Variants in SUPV3L1 observed in about 807,000 individuals in gnomAD.
The protein encoded by SUPV3L1 is Suv3 like RNA helicase, also known as ATP-dependent RNA helicase SUPV3L1, mitochondrial.
A neutral mutation model predicts 70.0 loss-of-function variants in SUPV3L1; 35 were observed. That is an observed-to-expected ratio of 0.50 (90% CI 0.38 to 0.66). The LOEUF is 0.66. SUPV3L1 is among the 30% of genes least tolerant of loss of function. The pLI, the probability that SUPV3L1 is intolerant of heterozygous loss-of-function variation, is 0.00. For missense variants in SUPV3L1, 777 were observed against 961.5 expected (o/e 0.81, Z 2.54); for synonymous variants, 364 against 341.9 (o/e 1.06, Z -0.71).
chr10:69,180,556 G>A lies in SUPV3L1; in HGVS notation c.265G>A (p.Asp89Asn). 6.2e-7 allele frequency: 1 copy of A among 1,613,824 alleles called. No individual in the cohort carries two copies. Among genetic ancestry groups the A allele is most frequent in the Non-Finnish European group, 8.5e-7 (1 of 1,179,976 alleles). ...CGGGGCCGAGCTAACCCGGCCTCTGGACAAGAGTGAGTGCGGGAACTACTG... is the reference window on the plus strand; with the variant it reads ...CGGGGCCGAGCTAACCCGGCCTCTGAACAAGAGTGAGTGCGGGAACTACTG... ...DVGAELTRPL[D>N]KNEVKKVLDK... The change falls in exon 1 of 15, where the codon GAC (aspartate) becomes AAC (asparagine). Residue 89 changes from aspartate (D) to asparagine (N), a missense_variant. Physicochemically the swap from Asp to Asn is conservative, Grantham distance 23 (BLOSUM62 1). Transcript: ENST00000359655.
intron 13 of SUPV3L1, among the ~76,000 whole-genome samples, chr10:69,204,718 C>T (rs1012488540): frequency 2.6e-5 from 4 of 151,876 alleles, no homozygotes; most frequent in Non-Finnish European, 1.5e-5. Context: ...TGCCTATGTG[C>T]ATGTTCATGT....
chr10:69,187,176 C>A (rs147104701), intron 3 of SUPV3L1, among the ~76,000 whole-genome samples: 1 of 152,072 alleles, frequency 6.6e-6, no homozygotes, highest in African/African-American at 2.4e-5. Flanking sequence ...TAACTTTTGC[C>A]AATGCTAATC....
intron 1 of SUPV3L1, chr10:69,182,482 A>G: frequency 1.0e-6 from 1 of 979,020 alleles, no homozygotes; most frequent in African/African-American, 1.7e-5. Context: ...AATTTGCCTT[A>G]TTGTATTCAA....
Position 69,209,077 on chromosome 10 carries a change from T to G in SUPV3L1, c.*42T>G. On this transcript the variant is annotated 3_prime_UTR_variant, in exon 15 of 15. Coordinates refer to ENST00000359655, the MANE Select transcript of SUPV3L1 (RefSeq NM_003171.5). Reference sequence around the variant, plus strand: ...TTTTTTTTTTATTTAATTTTGCAAATAAAAATTTATTTTGAATCCTTTTTC... The same window carrying G: ...TTTTTTTTTTATTTAATTTTGCAAAGAAAAATTTATTTTGAATCCTTTTTC... 3 of 1,484,386 alleles carry G rather than the reference T, an allele frequency of 2.0e-6. No homozygotes were observed. Among genetic ancestry groups the G allele is most frequent in the Non-Finnish European group, 2.7e-6 (3 of 1,117,824 alleles). 92.0% of individuals were successfully genotyped at this position (1,484,386 alleles called of 1,614,324 possible). A position where few individuals can be genotyped will look rare whatever the true frequency, so the allele number is the denominator to read the frequency against.
In SUPV3L1 at chr10:69,195,246, C is replaced by A; in HGVS notation, c.912C>A (p.Ala304=). The A allele has an allele frequency of 6.2e-7, 1 of 1,612,296 alleles. No individual in the cohort carries two copies. The change falls in exon 7 of 15, where the codon GCC becomes GCA. Residue 304 remains alanine (A), a synonymous_variant. Transcript: ENST00000359655. ...QMIRDPARGW[A]WTRALLGLCA... is the part of the protein sequence containing the mutation. ...TTAGAGATCCAGCCAGAGGATGGGCCTGGACCAGAGCACTTCTAGGTTGGT... is the reference window on the plus strand; with the variant it reads ...TTAGAGATCCAGCCAGAGGATGGGCATGGACCAGAGCACTTCTAGGTTGGT...
chr10:69,186,420 C>T (rs1382042442), intron 2 of SUPV3L1, 23 bp from the exon 3 acceptor site: 2 of 1,558,046 alleles, frequency 1.3e-6, no homozygotes, highest in African/African-American at 2.7e-5. Context: ...CACCTTACAT[C>T]TTTTCATTTT....
At chr10:69,204,641 T>A (rs1842775416) in intron 13 of SUPV3L1, among the ~76,000 whole-genome samples, 1 of 152,206 alleles carries the variant, frequency 6.6e-6, no homozygotes, top group Non-Finnish European at 1.5e-5. Context: ...CTCCCCAATC[T>A]TAGTCCTCTG....
chr10:69,187,495 G>C, intron 3 of SUPV3L1, 147 bp from the exon 4 acceptor site: 1 of 545,216 alleles, frequency 1.8e-6, no homozygotes, highest in Non-Finnish European at 3.2e-6. Flanking sequence ...TGGGATTGTT[G>C]ACGTGAGCTA....
At chr10:69,190,218 A>G (rs1047767364) in intron 5 of SUPV3L1, among the ~76,000 whole-genome samples, 4 of 152,184 alleles carry the variant, frequency 2.6e-5, no homozygotes, top group Admixed American at 6.5e-5. Context: ...GCACTACTCT[A>G]TGATATTTAA....
At chr10:69,185,016 A>G (rs1337284538) in intron 1 of SUPV3L1, among the ~76,000 whole-genome samples, 1 of 152,194 alleles carries the variant, frequency 6.6e-6, no homozygotes, top group Non-Finnish European at 1.5e-5. Flanking sequence ...TTTTACCTCT[A>G]AGATTATTGA....
At chr10:69,197,726 T>C (rs1208812719) in intron 8 of SUPV3L1, among the ~76,000 whole-genome samples, 3 of 152,160 alleles carry the variant, frequency 2.0e-5, no homozygotes, top group African/African-American at 7.2e-5. Context: ...TTTGCCACCA[T>C]GCCCATCTAA....
rs1487660738 is a variant in SUPV3L1, at chr10:69,180,523, G to T, written c.232G>T (p.Gly78Cys). The change falls in exon 1 of 15, where the codon GGC becomes TGC. Residue 78 changes from glycine to cysteine, a missense_variant. Gly to Cys is a radical substitution (Grantham distance 159). Transcript: ENST00000359655. ...GAAACCTCAGGGCCCCAGCGCCGAC[G>T]GCGACGTCGGGGCCGAGCTAACCCG... is the stretch of plus-strand genomic sequence containing the variant. ...TVKPQGPSADGDVGAELTRPL... is the reference protein window; with the variant it reads ...TVKPQGPSADCDVGAELTRPL... 4 of 1,614,094 alleles carry T rather than the reference G, an allele frequency of 2.5e-6. No individual in the cohort carries two copies. The highest frequency in any genetic ancestry group is 3.4e-6 in the Non-Finnish European group (4 of 1,180,056).
chr10:69,191,897 C>A, intron 6 of SUPV3L1, 131 bp downstream of exon 6: 1 of 575,872 alleles, frequency 1.7e-6, no homozygotes, highest in African/African-American at 1.9e-5. Context: ...ACCTCTGCCT[C>A]CCCAGTTCAA....
chr10:69,194,602 G>A lies in SUPV3L1; in HGVS notation c.854-586G>A, dbSNP rs116918106. The stretch of plus-strand genomic sequence containing the variant: ...CCTGACATTGTGATCCACCCGCCTC[G>A]ACCTCCCAAGAAAATGTTTTTAAAA... On this transcript the variant is annotated intron_variant, in intron 6 of 14. Coordinates refer to ENST00000359655, the MANE Select transcript of SUPV3L1 (RefSeq NM_003171.5). 1.4e-3 allele frequency among the ~76,000 whole-genome samples: 216 copies of A among 151,986 alleles called. 2 individuals are homozygous for A. In the East Asian group the frequency reaches 0.036, roughly 25 times the overall value.
chr10:69,180,257 C>G lies in SUPV3L1; in HGVS notation c.-35C>G, dbSNP rs375656947. 10 of 1,589,876 alleles carry G rather than the reference C, an allele frequency of 6.3e-6. No individual in the cohort carries two copies. The highest frequency in any genetic ancestry group is 8.6e-6 in the Non-Finnish European group (10 of 1,165,908). On this transcript the variant is annotated 5_prime_UTR_variant, in exon 1 of 15. Coordinates refer to ENST00000359655, the MANE Select transcript of SUPV3L1 (RefSeq NM_003171.5). ...GCGTCACTGTCCGCCGCCGTGTCCG[C>G]GGCTGCGCCAGACAGTGTAGAACCT...
In SUPV3L1 at chr10:69,180,297, C is replaced by T. The variant is rs766905365; in HGVS notation, c.6C>T (p.Ser2=). Residue 2 remains serine (S), a synonymous_variant, in exon 1 of 15, where the codon TCC becomes TCT. Coordinates refer to ENST00000359655, the MANE Select transcript of SUPV3L1 (RefSeq NM_003171.5). M[S]FSRALLWARL... is the part of the protein sequence containing the mutation. ...GTGTAGAACCTGCGGCCTCGATGTC[C>T]TTCTCCCGTGCCCTATTGTGGGCTC... 15 of 1,613,494 alleles carry T rather than the reference C, an allele frequency of 9.3e-6. No individual in the cohort carries two copies. Among genetic ancestry groups the T allele is most frequent in the African/African-American group, 1.3e-5 (1 of 75,044 alleles).
chr10:69,203,971 C>T (rs186712930), intron 13 of SUPV3L1, among the ~76,000 whole-genome samples: 26 of 152,102 alleles, frequency 1.7e-4, no homozygotes, highest in African/African-American at 4.8e-4. Context: ...GTGATCATCC[C>T]ACCTCAGCCT....
chr10:69,202,325 T>C (rs1281728275), intron 11 of SUPV3L1, 114 bp from the exon 12 acceptor site: 4 of 701,750 alleles, frequency 5.7e-6, no homozygotes, highest in Non-Finnish European at 9.1e-6. Flanking sequence ...GGCATTTACT[T>C]CATATGGTGA....
chr10:69,202,416 A>C lies in SUPV3L1; in HGVS notation c.1519-23A>C, dbSNP rs770015317. 5 of 1,590,888 alleles carry C rather than the reference A, an allele frequency of 3.1e-6. No homozygotes were observed. The African/African-American group carries it at 6.8e-5, about 22-fold the overall frequency. Reference sequence around the variant, plus strand: ...TTGAAAAAAAAAAAATCAGCTTATGATTGTTTTTTCTTTTACTAAAAGGCA... The same window carrying C: ...TTGAAAAAAAAAAAATCAGCTTATGCTTGTTTTTTCTTTTACTAAAAGGCA... On this transcript the variant is annotated intron_variant, in intron 11 of 14. Coordinates refer to ENST00000359655, the MANE Select transcript of SUPV3L1 (RefSeq NM_003171.5).
Sources: allele counts gnomAD v4.1 joint callset (sites outside exome capture counted in the v4.1 genomes callset), GRCh38; gene constraint gnomAD v4.1.1; transcripts MANE v1.5; gene names NCBI Gene and HGNC (gene_info 2026-07-23, HGNC 2026-07-21).